The following LNPEP variants were observed in gnomAD, a reference collection of about 807,000 sequenced individuals.
LNPEP encodes leucyl and cystinyl aminopeptidase, also known as leucyl-cystinyl aminopeptidase.
LNPEP carries 64 observed loss-of-function variants against 120.6 expected under a neutral mutation model. The ratio of observed to expected loss-of-function variants is 0.53; its 90% CI spans 0.43 to 0.65. LNPEP has a LOEUF of 0.65. Ranked by LOEUF, LNPEP falls within the 30% of genes least tolerant of loss-of-function variation. The pLI, the probability that LNPEP is intolerant of heterozygous loss-of-function variation, is 0.00. For synonymous variants in LNPEP, 435 were observed against 425.4 expected (o/e 1.02, Z -0.28); for missense variants, 1,057 against 1,200.0 (o/e 0.88, Z 1.76).
intron 1 of LNPEP, among the ~76,000 whole-genome samples, chr5:96,960,377 T>G (rs1039402870): frequency 3.9e-5 from 6 of 152,226 alleles, no homozygotes; most frequent in African/African-American, 9.6e-5. Flanking sequence ...GAAACGTAGC[T>G]GGAGTAACTA....
At position 96,970,412 on chromosome 5, in the gene LNPEP, A is replaced by G. The variant is rs111299124; in HGVS notation, c.20-8726A>G. On this transcript the variant is annotated intron_variant, in intron 1 of 17. Coordinates refer to ENST00000231368, the MANE Select transcript of LNPEP (RefSeq NM_005575.3). ...ATAAAATATTCTTCTTTGTTAATCTATTTGTGTCTAAATTTAAAATGCATC... is the reference window on the plus strand; with the variant it reads ...ATAAAATATTCTTCTTTGTTAATCTGTTTGTGTCTAAATTTAAAATGCATC... Among the ~76,000 whole-genome samples, 86 of 152,070 alleles carry G rather than the reference A, an allele frequency of 5.7e-4. 1 individual carries two copies. Among genetic ancestry groups the G allele is most frequent in the African/African-American group, 2.0e-3 (82 of 41,524 alleles).
chr5:97,024,970 A>G (rs1268777600), intron 15 of LNPEP, among the ~76,000 whole-genome samples: 1 of 152,208 alleles, frequency 6.6e-6, no homozygotes, highest in Non-Finnish European at 1.5e-5. Flanking sequence ...ATACACCACA[A>G]TTGGTACTCC....
At chr5:97,023,952 T>TA (rs1290586443) in intron 14 of LNPEP, among the ~76,000 whole-genome samples, 2 of 152,076 alleles carry the variant, frequency 1.3e-5, no homozygotes, top group Non-Finnish European at 2.9e-5. Flanking sequence ...ACATAGCAGG[T>TA]AGAGTTAGCA....
intron 1 of LNPEP, among the ~76,000 whole-genome samples, chr5:96,972,932 A>G (rs899607595): frequency 6.6e-6 from 1 of 152,100 alleles, no homozygotes; most frequent in Non-Finnish European, 1.5e-5. Context: ...ATCTTGCTCC[A>G]ATGTCATGAC....
In LNPEP at chr5:97,026,711, C is replaced by A. The variant is rs150153611; in HGVS notation, c.2818C>A (p.Leu940Met). ...GGGTCGACATTTTCCTGGACACTTACTGGCATGGGATTTTGTCAAAGAGAA... is the reference window on the plus strand; with the variant it reads ...GGGTCGACATTTTCCTGGACACTTAATGGCATGGGATTTTGTCAAAGAGAA... ...TVGRHFPGHL[L>M]AWDFVKENWN... is the part of the protein sequence containing the mutation. The change falls in exon 16 of 18, where the codon CTG becomes ATG. Residue 940 changes from leucine (L) to methionine (M), a missense_variant. Physicochemically the swap from Leu to Met is conservative, Grantham distance 15. Transcript: ENST00000231368. 4 of 1,613,148 alleles carry A rather than the reference C, an allele frequency of 2.5e-6. No homozygotes were observed. The South Asian group carries it at 4.4e-5, about 18-fold the overall frequency.
At chr5:97,000,264 G>A (rs2112637462) in intron 8 of LNPEP, among the ~76,000 whole-genome samples, 1 of 152,276 alleles carries the variant, frequency 6.6e-6, no homozygotes, top group Admixed American at 6.5e-5. Flanking sequence ...ACCATCTAAG[G>A]CATGAGGAAT....
At chr5:97,027,917 T>C in intron 17 of LNPEP, 103 bp downstream of exon 17, 1 of 718,290 alleles carries the variant, frequency 1.4e-6, no homozygotes, top group Non-Finnish European at 2.5e-6. Context: ...GCTAATTCCT[T>C]CTCTTATCTC....
In LNPEP at chr5:97,037,261, C is replaced by G. The variant is rs1438399076; in HGVS notation, c.*8728C>G. On this transcript the variant is annotated 3_prime_UTR_variant, in exon 18 of 18. Coordinates refer to ENST00000231368, the MANE Select transcript of LNPEP (RefSeq NM_005575.3). ...AAACACCTATAGAGATCTTCAATTC[C>G]TTGAGTCTGAGCTTGTGGGTGGAAT... 6.6e-6 allele frequency: 1 copy of G among 152,094 alleles called. No individual in the cohort carries two copies. The highest frequency in any genetic ancestry group is 1.5e-5 in the Non-Finnish European group (1 of 68,012). 9.4% of individuals were successfully genotyped at this position (152,094 alleles called of 1,614,324 possible).
At chr5:96,955,673 T>A (rs927446068) in intron 1 of LNPEP, among the ~76,000 whole-genome samples, 3 of 152,254 alleles carry the variant, frequency 2.0e-5, no homozygotes, top group South Asian at 2.1e-4. Flanking sequence ...AGATCTACCA[T>A]AATTGTTTAT....
intron 1 of LNPEP, among the ~76,000 whole-genome samples, chr5:96,964,637 G>A (rs540798601): frequency 1.0e-3 from 155 of 151,976 alleles, no homozygotes; most frequent in Non-Finnish European, 6.8e-4. Context: ...ATTCTTATAT[G>A]TATATCTCTG....
At chr5:97,008,300 T>C (rs1561450362) in intron 11 of LNPEP, among the ~76,000 whole-genome samples, 1 of 151,682 alleles carries the variant, frequency 6.6e-6, no homozygotes, top group Non-Finnish European at 1.5e-5. Flanking sequence ...TATCTGTTTT[T>C]TGTTTCATTG....
At chr5:96,957,706 A>G (rs902481164) in intron 1 of LNPEP, among the ~76,000 whole-genome samples, 8 of 152,232 alleles carry the variant, frequency 5.3e-5, no homozygotes, top group African/African-American at 1.9e-4. Context: ...CAGAACTTCC[A>G]GAAGGAATAC....
intron 1 of LNPEP, among the ~76,000 whole-genome samples, chr5:96,940,587 C>G (rs1015933940): frequency 5.3e-5 from 8 of 152,160 alleles, no homozygotes; most frequent in African/African-American, 1.7e-4. Context: ...TTGTCTAAGA[C>G]AGTATTCTAA....
Position 96,981,451 on chromosome 5 carries a change from A to G in LNPEP, c.860+1473A>G, listed in dbSNP as rs968479060. On this transcript the variant is annotated intron_variant, in intron 2 of 17. Transcript: ENST00000231368. ...CTCTATTTCTTAATCTTAAAGAAAC[A>G]TATTTCATTTTTCTGACATTTTCCA... 3.3e-5 allele frequency among the ~76,000 whole-genome samples: 5 copies of G among 152,176 alleles called. No homozygotes were observed. In the East Asian group the frequency reaches 7.7e-4, roughly 23 times the overall value.
intron 1 of LNPEP, among the ~76,000 whole-genome samples, chr5:96,951,805 C>G (rs1789331055): frequency 6.6e-6 from 1 of 152,018 alleles, no homozygotes; most frequent in African/African-American, 2.4e-5. Flanking sequence ...CCAAAAAACC[C>G]CTTGTCCCAT....
chr5:97,024,414 GTTA>G lies in LNPEP; in HGVS notation c.2562-100_2562-98del. On this transcript the variant is annotated intron_variant, in intron 14 of 17. Transcript: ENST00000231368. ...AACCCTAAATTGTGTACTCAAACTTGTTATTATTACCAACCCTCACACCAGAAA... is the reference window on the plus strand; with the variant it reads ...AACCCTAAATTGTGTACTCAAACTTGTTATTACCAACCCTCACACCAGAAA... The G allele has an allele frequency of 5.9e-6, 6 of 1,015,988 alleles. 1 individual carries two copies. The Middle Eastern group carries it at 1.3e-3, about 217-fold the overall frequency. 62.9% of individuals were successfully genotyped at this position (1,015,988 alleles called of 1,614,324 possible).
chr5:97,021,935 T>G (rs1417553073), intron 13 of LNPEP, among the ~76,000 whole-genome samples: 34 of 137,628 alleles, frequency 2.5e-4, no homozygotes, highest in African/African-American at 8.1e-4. Flanking sequence ...TTTTTTTTTT[T>G]TTTTTTTTTT....
intron 1 of LNPEP, among the ~76,000 whole-genome samples, chr5:96,957,504 T>G (rs1789498191): frequency 6.6e-6 from 1 of 152,126 alleles, no homozygotes; most frequent in Non-Finnish European, 1.5e-5. Context: ...TATCCTGGAT[T>G]ATCTAGTTAG....
chr5:96,998,637 C>G (rs573696205), intron 8 of LNPEP, among the ~76,000 whole-genome samples: 1 of 152,060 alleles, frequency 6.6e-6, no homozygotes, highest in Non-Finnish European at 1.5e-5. Context: ...CACCATAGGT[C>G]GGAGAATAGA....
Sources: allele counts gnomAD v4.1 joint callset (sites outside exome capture counted in the v4.1 genomes callset), GRCh38; gene constraint gnomAD v4.1.1; transcripts MANE v1.5; gene names NCBI Gene and HGNC (gene_info 2026-07-23, HGNC 2026-07-21).